The following GLIS3 variants were observed in gnomAD, a reference collection of about 807,000 sequenced individuals.
GLIS3 encodes the protein zinc finger protein GLIS3.
A neutral mutation model predicts 78.6 loss-of-function variants in GLIS3; 53 were observed. The observed-to-expected ratio is 0.67, with a 90% CI of 0.54 to 0.85. The LOEUF (loss-of-function observed/expected upper bound fraction) is 0.85. Ranked by LOEUF, GLIS3 falls within the 40% of genes least tolerant of loss-of-function variation. The pLI, the probability that GLIS3 is intolerant of heterozygous loss-of-function variation, is 0.00. For synonymous variants in GLIS3, 684 were observed against 509.9 expected, an observed-to-expected ratio of 1.34 and a Z score of -4.60; for missense variants, 1,703 against 1,231.1, an observed-to-expected ratio of 1.38 and a Z score of -5.74.
intron 6 of GLIS3, among the ~76,000 whole-genome samples, chr9:3,924,949 A>G (rs879515995): frequency 1.2e-4 from 19 of 152,310 alleles, no homozygotes; most frequent in Non-Finnish European, 2.8e-4. Flanking sequence ...AACTCTTTCC[A>G]TAAGGTAGCT....
intron 6 of GLIS3, among the ~76,000 whole-genome samples, chr9:3,925,594 TGCGTGTGCGC>T (rs1381767921): frequency 2.0e-5 from 3 of 149,370 alleles, no homozygotes; most frequent in African/African-American, 4.9e-5. Flanking sequence ...TCAGTGTGTG[TGCGTGTGCGC>T]GCGTGTGTGT....
intron 2 of GLIS3, among the ~76,000 whole-genome samples, chr9:4,324,729 C>T (rs1350898260): frequency 4.6e-5 from 7 of 152,152 alleles, no homozygotes; most frequent in Admixed American, 4.6e-4. Context: ...TCAGCAAGCA[C>T]CATTTTCTGT....
chr9:4,157,813 A>G (rs1267231680), intron 2 of GLIS3, among the ~76,000 whole-genome samples: 4 of 152,228 alleles, frequency 2.6e-5, no homozygotes, highest in Non-Finnish European at 5.9e-5. Context: ...CACATCACGT[A>G]TGCATTCTGG....
the GLIS3 span, among the ~76,000 whole-genome samples, chr9:4,409,007 A>G: frequency 6.6e-6 from 1 of 152,016 alleles, no homozygotes; most frequent in Non-Finnish European, 1.5e-5. Flanking sequence ...AAAAAATTAA[A>G]TATATATGTA....
At chr9:4,011,377 A>C (rs1821992904) in intron 4 of GLIS3, among the ~76,000 whole-genome samples, 1 of 152,190 alleles carries the variant, frequency 6.6e-6, no homozygotes, top group African/African-American at 2.4e-5. Flanking sequence ...ACAGAAGCAA[A>C]TGACCAGAAG....
At chr9:4,352,581 G>C (rs975803107), upstream of GLIS3, among the ~76,000 whole-genome samples, 2 of 152,242 alleles carry the variant, frequency 1.3e-5, no homozygotes, top group Admixed American at 6.5e-5. Context: ...TCTGTCTTGG[G>C]TTAGGCTACT....
At chr9:4,135,130 G>T (rs534740877) in intron 2 of GLIS3, among the ~76,000 whole-genome samples, 1 of 152,086 alleles carries the variant, frequency 6.6e-6, no homozygotes, top group Non-Finnish European at 1.5e-5. Context: ...CATCCCTAAG[G>T]TTTATTAGCT....
At chr9:4,197,211 G>A (rs1586947882) in intron 2 of GLIS3, among the ~76,000 whole-genome samples, 1 of 151,792 alleles carries the variant, frequency 6.6e-6, no homozygotes. Context: ...CCCTCACATG[G>A]ACTAGGAGCC....
chr9:4,284,546 A>G (rs1163007045), intron 2 of GLIS3, among the ~76,000 whole-genome samples: 1 of 152,050 alleles, frequency 6.6e-6, no homozygotes, highest in Admixed American at 6.6e-5. Context: ...CTTATGCTAA[A>G]TATCAGTACC....
At chr9:4,358,515 G>A in the GLIS3 span, among the ~76,000 whole-genome samples, 1 of 152,112 alleles carries the variant, frequency 6.6e-6, no homozygotes, top group African/African-American at 2.4e-5. Context: ...AAGCATTTTT[G>A]TGTACCTACT....
chr9:4,354,745 C>T, the GLIS3 span, among the ~76,000 whole-genome samples: 2 of 152,150 alleles, frequency 1.3e-5, no homozygotes. Context: ...ATGACACTCT[C>T]CCTCTAGGAA....
At chr9:4,081,233 A>G (rs1828531055) in intron 4 of GLIS3, 1 of 152,268 alleles carries the variant, frequency 6.6e-6, no homozygotes, top group African/African-American at 2.4e-5. Flanking sequence ...CTTACCTTCT[A>G]TACAAAGTAT....
intron 9 of GLIS3, among the ~76,000 whole-genome samples, chr9:3,838,997 A>G (rs2130046335): frequency 6.6e-6 from 1 of 152,348 alleles, no homozygotes; most frequent in South Asian, 2.1e-4. Flanking sequence ...CTAATTCTAT[A>G]CATTCAAACT....
the GLIS3 span, among the ~76,000 whole-genome samples, chr9:4,445,322 G>A: frequency 2.0e-5 from 3 of 152,142 alleles, no homozygotes; most frequent in African/African-American, 4.8e-5. Context: ...AGCAGGAAGC[G>A]ACAATAGAAA....
intron 4 of GLIS3, among the ~76,000 whole-genome samples, chr9:4,114,027 C>T (rs1020617319): frequency 1.3e-4 from 8 of 61,198 alleles, no homozygotes; most frequent in Non-Finnish European, 2.7e-4. Context: ...GGCCCACGTT[C>T]CCCCAATTCC....
chr9:4,266,771 T>G (rs1286026351), intron 2 of GLIS3, among the ~76,000 whole-genome samples: 1 of 152,210 alleles, frequency 6.6e-6, no homozygotes, highest in African/African-American at 2.4e-5. Flanking sequence ...AGAAGTTACT[T>G]GGAAAACAAA....
At chr9:4,088,639 A>T (rs1211028266) in intron 4 of GLIS3, among the ~76,000 whole-genome samples, 1 of 152,226 alleles carries the variant, frequency 6.6e-6, no homozygotes, top group African/African-American at 2.4e-5. Flanking sequence ...CTGAGCACCA[A>T]CTATATATTG....
chr9:4,426,587 G>C, the GLIS3 span, among the ~76,000 whole-genome samples: 2 of 152,134 alleles, frequency 1.3e-5, no homozygotes, highest in African/African-American at 4.8e-5. Flanking sequence ...GCCTTCCTTT[G>C]TGCACACAGC....
At chr9:4,077,733 C>G (rs1439118352) in intron 4 of GLIS3, among the ~76,000 whole-genome samples, 1 of 152,102 alleles carries the variant, frequency 6.6e-6, no homozygotes, top group East Asian at 1.9e-4. Context: ...GCGGGCTGGT[C>G]CTGTTCTCTT....
Sources: allele counts gnomAD v4.1 joint callset (sites outside exome capture counted in the v4.1 genomes callset), GRCh38; gene constraint gnomAD v4.1.1; transcripts MANE v1.5; gene names NCBI Gene and HGNC (gene_info 2026-07-23, HGNC 2026-07-21).